PARVA: variants seen among roughly 807,000 people sequenced by gnomAD.
PARVA encodes alpha-parvin.
Under a neutral mutation model 52.6 loss-of-function variants are expected in PARVA, and 25 were observed. The ratio of observed to expected loss-of-function variants is 0.48; its 90% confidence interval spans 0.35 to 0.66. The LOEUF (loss-of-function observed/expected upper bound fraction) is 0.66. Ranked by LOEUF, PARVA falls within the 30% of genes least tolerant of loss-of-function variation. The pLI is 0.01. For synonymous variants in PARVA, 185 were observed against 179.1 expected, an observed-to-expected ratio of 1.03 and a Z score of -0.26; for missense variants, 373 against 450.9, an observed-to-expected ratio of 0.83 and a Z score of 1.56.
rs1941774537 is a variant in PARVA, at chr11:12,531,750, C to A, written c.*3825C>A. Among the ~76,000 whole-genome samples, 2 of 151,544 alleles carry A rather than the reference C, an allele frequency of 1.3e-5. No individual in the cohort carries two copies. Among genetic ancestry groups the A allele is most frequent in the African/African-American group, 4.9e-5 (2 of 41,194 alleles). On this transcript the variant is annotated 3_prime_UTR_variant, in exon 13 of 13. Transcript: ENST00000334956. ...TTCCAAGATTGCGTGTCATTTCCCCCAAAAATTTGCTTAACTCTATTGGAA... is the reference window on the plus strand; with the variant it reads ...TTCCAAGATTGCGTGTCATTTCCCCAAAAAATTTGCTTAACTCTATTGGAA...
chr11:12,508,498 T>C (rs1941463696), intron 6 of PARVA, 86 bp from the exon 7 acceptor site: 3 of 927,752 alleles, frequency 3.2e-6, no homozygotes, highest in African/African-American at 3.3e-5. Context: ...TTTCTCATTA[T>C]CAGGAATGCT....
chr11:12,377,623 G>C lies in PARVA; in HGVS notation c.-25G>C, dbSNP rs754749222. The C allele has an allele frequency of 3.2e-6, 5 of 1,561,016 alleles. No individual in the cohort carries two copies. The highest frequency in any genetic ancestry group is 4.3e-6 in the Non-Finnish European group (5 of 1,159,952). ...CCAGCGCCAGCTCCGCGTCCCGACC[G>C]GCCCGCGGCAGCCTGCGCCGCGCCA... On this transcript the variant is annotated 5_prime_UTR_variant, in exon 1 of 13. Transcript: ENST00000334956.
At chr11:12,431,747 C>A (rs1940319042) in intron 1 of PARVA, among the ~76,000 whole-genome samples, 2 of 152,348 alleles carry the variant, frequency 1.3e-5, no homozygotes, top group Middle Eastern at 3.4e-3. Flanking sequence ...CCACCATGGG[C>A]CCCCCACTCC....
At chr11:12,389,873 A>G (rs1939632348) in intron 1 of PARVA, among the ~76,000 whole-genome samples, 1 of 152,200 alleles carries the variant, frequency 6.6e-6, no homozygotes, top group Admixed American at 6.5e-5. Flanking sequence ...GAGGACGTGG[A>G]TGCTCTCCCT....
chr11:12,379,236 T>C (rs1939449426), intron 1 of PARVA, among the ~76,000 whole-genome samples: 1 of 61,700 alleles, frequency 1.6e-5, no homozygotes, highest in African/African-American at 2.7e-5. Flanking sequence ...AAGGTCTTTA[T>C]GACCTGTATC....
chr11:12,402,310 G>T (rs916946401), intron 1 of PARVA, among the ~76,000 whole-genome samples: 4 of 152,228 alleles, frequency 2.6e-5, no homozygotes, highest in Non-Finnish European at 5.9e-5. Flanking sequence ...AACTGCCAAT[G>T]TGTGGCCCAG....
At chr11:12,474,053 G>C in intron 3 of PARVA, 70 bp downstream of exon 3, 2 of 1,250,364 alleles carry the variant, frequency 1.6e-6, no homozygotes, top group South Asian at 2.6e-5. Context: ...CACCTGCTCT[G>C]TGCAGGTACC....
At chr11:12,448,902 T>C (rs11022358) in intron 1 of PARVA, among the ~76,000 whole-genome samples, 56,001 of 152,064 alleles carry the variant, frequency 0.37, 11,860 homozygotes, top group Middle Eastern at 0.49. Flanking sequence ...TTCTCTGTAC[T>C]CTCTCCCTTC....
intron 1 of PARVA, among the ~76,000 whole-genome samples, chr11:12,447,559 ATAAAGTTATAAT>A (rs2135010679): frequency 6.6e-6 from 1 of 152,336 alleles, no homozygotes; most frequent in Non-Finnish European, 1.5e-5. Flanking sequence ...AGCAGCTCCC[ATAAAGTTATAAT>A]ACTTATTTGT....
At chr11:12,382,346 T>C (rs1369866198) in intron 1 of PARVA, among the ~76,000 whole-genome samples, 1 of 152,082 alleles carries the variant, frequency 6.6e-6, no homozygotes, top group Non-Finnish European at 1.5e-5. Context: ...AGTATTGATG[T>C]ATATTTTATG....
At chr11:12,492,592 T>C (rs1941247026) in intron 4 of PARVA, among the ~76,000 whole-genome samples, 1 of 151,902 alleles carries the variant, frequency 6.6e-6, no homozygotes, top group Non-Finnish European at 1.5e-5. Flanking sequence ...ATAAAGGAGG[T>C]GGTAGGAATA....
intron 10 of PARVA, among the ~76,000 whole-genome samples, chr11:12,516,372 C>CT (rs1019304748): frequency 6.6e-6 from 1 of 152,204 alleles, no homozygotes; most frequent in Non-Finnish European, 1.5e-5. Context: ...CATCTGACCT[C>CT]TATGTCTTTG....
chr11:12,402,040 G>A (rs1195162183), intron 1 of PARVA, among the ~76,000 whole-genome samples: 4 of 152,164 alleles, frequency 2.6e-5, no homozygotes, highest in Admixed American at 1.3e-4. Flanking sequence ...TTATAACCTC[G>A]TGTATGAGTC....
chr11:12,488,377 G>T (rs529437584), intron 4 of PARVA, among the ~76,000 whole-genome samples: 4 of 152,316 alleles, frequency 2.6e-5, no homozygotes, highest in Admixed American at 2.6e-4. Flanking sequence ...GGCTAAACTG[G>T]TGTGAAAAGG....
chr11:12,491,164 T>G (rs1189016351), intron 4 of PARVA, among the ~76,000 whole-genome samples: 2 of 152,030 alleles, frequency 1.3e-5, no homozygotes, highest in Non-Finnish European at 2.9e-5. Context: ...ATACAAGAGA[T>G]AGTTTTGTTT....
intron 1 of PARVA, among the ~76,000 whole-genome samples, chr11:12,381,672 G>C (rs1939489163): frequency 6.6e-6 from 1 of 152,102 alleles, no homozygotes; most frequent in Admixed American, 6.6e-5. Flanking sequence ...ATTTTGTATT[G>C]TATACTGTAT....
intron 1 of PARVA, among the ~76,000 whole-genome samples, chr11:12,383,232 G>T (rs1002100055): frequency 1.3e-5 from 2 of 152,114 alleles, no homozygotes; most frequent in Non-Finnish European, 2.9e-5. Flanking sequence ...TGGCCCTCCT[G>T]TGTGGATTCT....
intron 1 of PARVA, among the ~76,000 whole-genome samples, chr11:12,394,106 A>C (rs1051773702): frequency 6.6e-6 from 1 of 152,170 alleles, no homozygotes; most frequent in African/African-American, 2.4e-5. Flanking sequence ...ACCCTATGGG[A>C]TAGGGAATTA....
At chr11:12,421,736 T>C (rs779853556) in intron 1 of PARVA, among the ~76,000 whole-genome samples, 1 of 152,224 alleles carries the variant, frequency 6.6e-6, no homozygotes, top group Non-Finnish European at 1.5e-5. Flanking sequence ...AATTCTTGAA[T>C]TGCAATTGTG....
Sources: allele counts gnomAD v4.1 joint callset (sites outside exome capture counted in the v4.1 genomes callset), GRCh38; gene constraint gnomAD v4.1.1; transcripts MANE v1.5; gene names NCBI Gene and HGNC (gene_info 2026-07-23, HGNC 2026-07-21).